The following YEATS2 variants were observed in gnomAD, a reference collection of about 807,000 sequenced individuals.
YEATS2 encodes the protein YEATS domain-containing protein 2.
Under a neutral mutation model 163.2 loss-of-function variants are expected in YEATS2, and 77 were observed. The observed-to-expected ratio is 0.47, with a 90% CI of 0.39 to 0.57. The LOEUF is 0.57. YEATS2 is among the 20% of genes least tolerant of loss of function. The pLI is 0.00. For missense variants in YEATS2, 1,549 were observed against 1,729.8 expected (o/e 0.90, Z 1.85); for synonymous variants, 631 against 645.1 (o/e 0.98, Z 0.33).
intron 14 of YEATS2, among the ~76,000 whole-genome samples, 169 bp downstream of exon 14, chr3:183,761,783 C>T (rs1721379966): frequency 6.6e-6 from 1 of 152,272 alleles, no homozygotes; most frequent in Admixed American, 6.5e-5. Flanking sequence ...CCTTGGAGTC[C>T]AGCAAGATGG....
Position 183,786,210 on chromosome 3 carries a change from C to G in YEATS2, c.2822C>G (p.Pro941Arg), listed in dbSNP as rs1178196053. The change falls in exon 20 of 31, where the codon CCT becomes CGT. Residue 941 changes from proline to arginine, a missense_variant. Pro to Arg is a moderately radical substitution (Grantham distance 103). Transcript: ENST00000305135. ...TVPATSQLSK[P>R]GTTMLRVAGG... is the part of the protein sequence containing the mutation. ...CCAGCCACCTCACAGCTCTCGAAGCCTGGAACCACAATGCTGAGAGTAGCA... is the reference window on the plus strand; with the variant it reads ...CCAGCCACCTCACAGCTCTCGAAGCGTGGAACCACAATGCTGAGAGTAGCA... 2.0e-5 allele frequency: 32 copies of G among 1,614,032 alleles called. No individual in the cohort carries two copies. Among genetic ancestry groups the G allele is most frequent in the Non-Finnish European group, 2.6e-5 (31 of 1,180,040 alleles).
intron 27 of YEATS2, among the ~76,000 whole-genome samples, chr3:183,804,843 C>T (rs576214187): frequency 6.6e-5 from 10 of 152,096 alleles, no homozygotes; most frequent in Non-Finnish European, 1.3e-4. Context: ...AAAAAATTAG[C>T]TGGGCGTGGT....
chr3:183,706,730 C>T (rs551118010), intron 1 of YEATS2, among the ~76,000 whole-genome samples: 11 of 152,236 alleles, frequency 7.2e-5, no homozygotes, highest in South Asian at 4.1e-4. Flanking sequence ...GCAGGAGAAT[C>T]GCTTGAACCC....
rs3816537 is a variant in YEATS2 at position 183,773,463 on chromosome 3, A to G, written c.2207-170A>G. 0.012 allele frequency among the ~76,000 whole-genome samples: 1,759 copies of G among 152,330 alleles called. 66 individuals carry two copies. In the East Asian group the frequency reaches 0.14, roughly 12 times the overall value. On this transcript the variant is annotated intron_variant, in intron 16 of 30. Coordinates refer to ENST00000305135, the MANE Select transcript of YEATS2 (RefSeq NM_018023.5). ...GTCTATAAATTATTTTTTAATTAGCAAGATATTTAAGAATATCAGTCTTTA... is the reference window on the plus strand; with the variant it reads ...GTCTATAAATTATTTTTTAATTAGCGAGATATTTAAGAATATCAGTCTTTA...
chr3:183,756,404 A>T, intron 11 of YEATS2, 124 bp from the exon 12 acceptor site: 1 of 903,200 alleles, frequency 1.1e-6, no homozygotes, highest in Non-Finnish European at 1.6e-6. Flanking sequence ...CGCAGTATCC[A>T]TTTTATTTTC....
intron 8 of YEATS2, among the ~76,000 whole-genome samples, chr3:183,738,140 T>C (rs1718545489): frequency 6.6e-6 from 1 of 152,178 alleles, no homozygotes; most frequent in South Asian, 2.1e-4. Flanking sequence ...CAGCAACCAG[T>C]CATTCCCCAT....
intron 1 of YEATS2, 86 bp from the exon 2 acceptor site, chr3:183,715,058 A>G: frequency 4.2e-6 from 3 of 707,062 alleles, no homozygotes; most frequent in East Asian, 2.7e-5. Context: ...GTACACATAT[A>G]TTTGTAAGTA....
intron 1 of YEATS2, among the ~76,000 whole-genome samples, chr3:183,703,656 G>T (rs1714336168): frequency 6.6e-6 from 1 of 152,152 alleles, no homozygotes; most frequent in Non-Finnish European, 1.5e-5. Context: ...TTGAAATATA[G>T]ATTTTGATTT....
intron 7 of YEATS2, among the ~76,000 whole-genome samples, chr3:183,729,468 CAG>C (rs1468905386): frequency 2.6e-5 from 4 of 152,062 alleles, no homozygotes; most frequent in Non-Finnish European, 4.4e-5. Context: ...CAGAATGTAA[CAG>C]AATTAAATAT....
At chr3:183,723,523 C>A (rs1347632425) in intron 5 of YEATS2, among the ~76,000 whole-genome samples, 1 of 152,084 alleles carries the variant, frequency 6.6e-6, no homozygotes, top group African/African-American at 2.4e-5. Context: ...AGGCTGCCAC[C>A]CCCAAAATCA....
At chr3:183,725,041 C>CTTTTTT (rs62826962) in intron 6 of YEATS2, among the ~76,000 whole-genome samples, 1 of 87,504 alleles carries the variant, frequency 1.1e-5, no homozygotes, top group African/African-American at 4.4e-5. Flanking sequence ...CCGTGCCGGC[C>CTTTTTT]TTTTTTTTTT....
intron 15 of YEATS2, among the ~76,000 whole-genome samples, chr3:183,763,781 T>C (rs1465926231): frequency 6.6e-6 from 1 of 152,114 alleles, no homozygotes; most frequent in Admixed American, 6.6e-5. Flanking sequence ...GTATATAATA[T>C]GGGCTCGGCA....
At chr3:183,787,909 A>G (rs150295589) in intron 20 of YEATS2, among the ~76,000 whole-genome samples, 5,231 of 152,070 alleles carry the variant, frequency 0.034, 310 homozygotes, top group African/African-American at 0.12. Flanking sequence ...AGGCTGAGGC[A>G]GGAGAATGGC....
chr3:183,809,359 C>A, intron 30 of YEATS2, 189 bp downstream of exon 30: 2 of 569,812 alleles, frequency 3.5e-6, no homozygotes, highest in Non-Finnish European at 3.1e-6. Context: ...GTTGTGAAAG[C>A]TCACTCAGCT....
Position 183,756,604 on chromosome 3 carries a change from C to T in YEATS2, c.1467C>T (p.Gly489=), listed in dbSNP as rs773259594. 6.2e-7 allele frequency: 1 copy of T among 1,607,530 alleles called. No homozygotes were observed. Residue 489 remains glycine, a synonymous_variant, in exon 12 of 31, where the codon GGC becomes GGT. Transcript: ENST00000305135. ...PTSTPVHVKQ[G]TAGSVINNPY... ...CCACTCCAGTCCACGTGAAGCAAGG[C>T]ACTGCCGGCTCTGTTATTAATAATC...
intron 11 of YEATS2, among the ~76,000 whole-genome samples, chr3:183,754,867 A>G (rs1039961692): frequency 6.6e-6 from 1 of 152,176 alleles, no homozygotes; most frequent in Non-Finnish European, 1.5e-5. Flanking sequence ...AGATTGGATT[A>G]TCTTTTGCCT....
chr3:183,716,012 T>G (rs892787685), intron 2 of YEATS2, among the ~76,000 whole-genome samples: 3 of 152,054 alleles, frequency 2.0e-5, no homozygotes, highest in Admixed American at 6.6e-5. Flanking sequence ...CAGGCTGGAG[T>G]GCAGTGGCGT....
At chr3:183,738,081 A>G (rs1718540224) in intron 8 of YEATS2, among the ~76,000 whole-genome samples, 1 of 152,136 alleles carries the variant, frequency 6.6e-6, no homozygotes, top group South Asian at 2.1e-4. Flanking sequence ...AACCATGCTC[A>G]TAGGAGGATG....
At chr3:183,786,891 T>C (rs568045246) in intron 20 of YEATS2, among the ~76,000 whole-genome samples, 2 of 152,346 alleles carry the variant, frequency 1.3e-5, no homozygotes, top group South Asian at 4.1e-4. Flanking sequence ...CAGGTTTTTG[T>C]ATAAACACGT....
Sources: allele counts gnomAD v4.1 joint callset (sites outside exome capture counted in the v4.1 genomes callset), GRCh38; gene constraint gnomAD v4.1.1; transcripts MANE v1.5; gene names NCBI Gene and HGNC (gene_info 2026-07-23, HGNC 2026-07-21).